The following MDGA2 variants were observed in gnomAD, a reference collection of about 807,000 sequenced individuals.
The protein encoded by MDGA2 is MAM domain-containing glycosylphosphatidylinositol anchor protein 2.
Under a neutral mutation model 117.8 loss-of-function variants are expected in MDGA2, and 40 were observed. The ratio of observed to expected loss-of-function variants is 0.34; its 90% confidence interval spans 0.26 to 0.44. The LOEUF is 0.44. MDGA2 is among the 20% of genes least tolerant of loss of function. The pLI, the probability that MDGA2 is intolerant of heterozygous loss-of-function variation, is 1.00. For missense variants in MDGA2, 1,123 were observed against 1,250.6 expected (o/e 0.90, Z 1.54); for synonymous variants, 452 against 439.0 (o/e 1.03, Z -0.37).
chr14:47,059,514 T>C, intron 7 of MDGA2: 1 of 360,614 alleles, frequency 2.8e-6, no homozygotes. Flanking sequence ...CTTTACTATT[T>C]TGTCATATAT....
At chr14:47,018,173 A>T (rs921529820) in intron 8 of MDGA2, among the ~76,000 whole-genome samples, 16 of 151,444 alleles carry the variant, frequency 1.1e-4, no homozygotes, top group Middle Eastern at 3.4e-3. Flanking sequence ...TCTTTTTTTT[A>T]AAGAAACGCC....
At chr14:47,644,640 T>G (rs1208628401) in intron 1 of MDGA2, among the ~76,000 whole-genome samples, 2 of 152,048 alleles carry the variant, frequency 1.3e-5, no homozygotes, top group South Asian at 4.1e-4. Flanking sequence ...GGTGTTCTAT[T>G]GCACAACAGG....
chr14:46,990,075 T>C (rs1887026642), intron 8 of MDGA2, among the ~76,000 whole-genome samples: 1 of 152,146 alleles, frequency 6.6e-6, no homozygotes, highest in Non-Finnish European at 1.5e-5. Flanking sequence ...AATCCAGACT[T>C]TATCACTTGT....
intron 1 of MDGA2, among the ~76,000 whole-genome samples, chr14:47,618,708 T>C (rs1225677829): frequency 1.3e-5 from 2 of 152,208 alleles, no homozygotes; most frequent in Non-Finnish European, 2.9e-5. Flanking sequence ...AAATTACAAA[T>C]GTCCGTAAGC....
chr14:46,884,410 G>A lies in MDGA2; in HGVS notation c.2239-2189C>T, dbSNP rs896196006. Among the ~76,000 whole-genome samples the A allele has an allele frequency of 3.9e-5, 6 of 151,992 alleles. No homozygotes were observed. Among genetic ancestry groups the A allele is most frequent in the Admixed American group, 2.6e-4 (4 of 15,240 alleles). On this transcript the variant is annotated intron_variant, in intron 10 of 16. Coordinates refer to ENST00000399232, the MANE Select transcript of MDGA2 (RefSeq NM_001113498.3). This position sits in a 1 kb window ranked among gnomAD's most constrained non-coding sequence, Gnocchi z 4.1. Reference sequence around the variant, plus strand: ...ACACATACACATGTACACATTATATGCACAGGTACACACACATACACATAT... The same window carrying A: ...ACACATACACATGTACACATTATATACACAGGTACACACACATACACATAT...
intron 5 of MDGA2, among the ~76,000 whole-genome samples, chr14:47,116,481 G>T (rs1314652622): frequency 6.6e-6 from 1 of 152,024 alleles, no homozygotes; most frequent in Admixed American, 6.6e-5. Flanking sequence ...GAACAAAGCA[G>T]GAGTTAGCAC....
At chr14:46,950,181 A>T (rs1242262770) in intron 9 of MDGA2, among the ~76,000 whole-genome samples, 9 of 151,912 alleles carry the variant, frequency 5.9e-5, no homozygotes, top group African/African-American at 2.2e-4. Context: ...GATAGCATTA[A>T]CTTCATTAAG....
At chr14:47,133,101 C>T (rs1429570363) in intron 4 of MDGA2, among the ~76,000 whole-genome samples, 1 of 148,824 alleles carries the variant, frequency 6.7e-6, no homozygotes, top group Non-Finnish European at 1.5e-5. Context: ...GCATTTTCCT[C>T]AGTGGTAAAA....
At chr14:47,564,736 C>T (rs1251806841) in intron 1 of MDGA2, among the ~76,000 whole-genome samples, 2 of 152,216 alleles carry the variant, frequency 1.3e-5, no homozygotes, top group African/African-American at 4.8e-5. Context: ...CTCTCCCTCT[C>T]TGTCGGGGAT....
chr14:47,646,401 A>G (rs1469789033), intron 1 of MDGA2, among the ~76,000 whole-genome samples: 2 of 152,074 alleles, frequency 1.3e-5, no homozygotes, highest in Non-Finnish European at 2.9e-5. Context: ...TTATACATAT[A>G]ATTCTTAGCA....
Position 47,175,149 on chromosome 14 carries a change from A to C in MDGA2, c.596-30875T>G, listed in dbSNP as rs559471828. Among the ~76,000 whole-genome samples, 1,353 of 151,654 alleles carry C rather than the reference A, an allele frequency of 8.9e-3. 27 individuals carry two copies. The highest frequency in any genetic ancestry group is 0.032 in the African/African-American group (1,300 of 41,124). The stretch of plus-strand genomic sequence containing the variant: ...CAATAACAGGCTCTGAAATTGTGGC[A>C]ATAATCAATAGCTTACCAACCAAAA... On this transcript the variant is annotated intron_variant, in intron 3 of 16. Transcript: ENST00000399232.
intron 1 of MDGA2, among the ~76,000 whole-genome samples, chr14:47,671,759 A>C (rs182085761): frequency 6.6e-6 from 1 of 152,360 alleles, no homozygotes; most frequent in Admixed American, 6.5e-5. Context: ...AAAGTTATTC[A>C]TATAAAATGT....
intron 1 of MDGA2, among the ~76,000 whole-genome samples, chr14:47,649,427 G>T (rs1897595818): frequency 6.6e-6 from 1 of 152,064 alleles, no homozygotes; most frequent in African/African-American, 2.4e-5. Flanking sequence ...TGTCCTTTTG[G>T]TCATCCAATT....
intron 10 of MDGA2, among the ~76,000 whole-genome samples, chr14:46,907,235 C>T (rs1206792104): frequency 6.6e-6 from 1 of 152,124 alleles, no homozygotes; most frequent in Non-Finnish European, 1.5e-5. Flanking sequence ...GCCTTGGCCT[C>T]CCAAAGTGCT....
chr14:47,011,049 T>G (rs2138533502), intron 8 of MDGA2, among the ~76,000 whole-genome samples: 1 of 152,118 alleles, frequency 6.6e-6, no homozygotes, highest in Middle Eastern at 3.4e-3. Flanking sequence ...TGATTAGAAG[T>G]TTACTTTGGA....
intron 2 of MDGA2, among the ~76,000 whole-genome samples, chr14:47,220,875 T>C (rs1467096372): frequency 6.6e-6 from 1 of 152,130 alleles, no homozygotes; most frequent in Non-Finnish European, 1.5e-5. Flanking sequence ...CAAGAGCTCA[T>C]TTGTGTGAAA....
At chr14:46,847,062 T>C (rs1244029516) in intron 15 of MDGA2, among the ~76,000 whole-genome samples, 6 of 152,112 alleles carry the variant, frequency 3.9e-5, no homozygotes, top group African/African-American at 1.4e-4. Flanking sequence ...ATGATGATTT[T>C]GAGAGAACTT....
At chr14:46,885,109 A>C (rs1310463510) in intron 10 of MDGA2, among the ~76,000 whole-genome samples, 2 of 152,108 alleles carry the variant, frequency 1.3e-5, no homozygotes, top group Non-Finnish European at 2.9e-5. Context: ...AGCCTCCTGA[A>C]GTGCTGGGAT....
intron 1 of MDGA2, among the ~76,000 whole-genome samples, chr14:47,526,151 G>A (rs1248159373): frequency 6.6e-6 from 1 of 151,816 alleles, no homozygotes; most frequent in Non-Finnish European, 1.5e-5. Context: ...TCTATTTCTT[G>A]AAAATATTAA....
Sources: allele counts gnomAD v4.1 joint callset (sites outside exome capture counted in the v4.1 genomes callset), GRCh38; gene constraint gnomAD v4.1.1; non-coding constraint Gnocchi (gnomAD v3.1); transcripts MANE v1.5; gene names NCBI Gene and HGNC (gene_info 2026-07-23, HGNC 2026-07-21).